CBFA2T3: variants seen among roughly 807,000 people sequenced by gnomAD.
The protein encoded by CBFA2T3 is transcriptional corepressor CBFA2T3.
CBFA2T3 carries 31 observed loss-of-function variants against 58.6 expected under a neutral mutation model. The observed-to-expected ratio is 0.53, with a 90% CI of 0.40 to 0.71. The LOEUF (loss-of-function observed/expected upper bound fraction) is 0.71. Among genes scored for constraint, CBFA2T3 ranks in the 30% least tolerant of loss-of-function variants. The probability of loss-of-function intolerance (pLI) is 0.00; values close to 1 mark genes in which losing one functional copy is unlikely to be tolerated. For synonymous variants in CBFA2T3, 531 were observed against 421.9 expected (o/e 1.26, Z -3.17); for missense variants, 1,076 against 963.1 (o/e 1.12, Z -1.55).
rs74321292 is a variant in CBFA2T3 at position 88,875,869 on chromosome 16, C to T, written c.*1107G>A. The T allele has an allele frequency of 4.7e-5, 11 of 233,338 alleles. No homozygotes were observed. Among genetic ancestry groups the T allele is most frequent in the African/African-American group, 8.8e-5 (4 of 45,422 alleles). 14.5% of individuals were successfully genotyped at this position (233,338 alleles called of 1,614,324 possible). ...AAGTCACAGGGGGCGTGAGGACAGA[C>T]GGCGTGTCCTTTCCTACACATATGG... On this transcript the variant is annotated 3_prime_UTR_variant, in exon 12 of 12. Transcript: ENST00000268679.
At chr16:88,899,966 T>A (rs1265087513) in intron 2 of CBFA2T3, among the ~76,000 whole-genome samples, 1 of 152,124 alleles carries the variant, frequency 6.6e-6, no homozygotes, top group Non-Finnish European at 1.5e-5. Flanking sequence ...GGAGGGCTCT[T>A]CCGAAGAGAG....
At chr16:88,898,669 C>G (rs547416174) in intron 2 of CBFA2T3, among the ~76,000 whole-genome samples, 2 of 152,226 alleles carry the variant, frequency 1.3e-5, no homozygotes, top group Admixed American at 6.5e-5. Context: ...ACCTGAGACT[C>G]GGCTTGGAGT....
chr16:88,922,117 G>A (rs1178475659), intron 1 of CBFA2T3, among the ~76,000 whole-genome samples: 1 of 152,202 alleles, frequency 6.6e-6, no homozygotes, highest in African/African-American at 2.4e-5. Context: ...TGGGTTCAAT[G>A]GCTGAGGCTG....
intron 1 of CBFA2T3, among the ~76,000 whole-genome samples, chr16:88,902,053 C>T (rs1402458308): frequency 6.6e-6 from 1 of 152,226 alleles, no homozygotes; most frequent in Non-Finnish European, 1.5e-5. Flanking sequence ...GCCTCTTCCC[C>T]CAGTCCTGAT....
At chr16:88,902,924 C>T (rs1970157175) in intron 1 of CBFA2T3, among the ~76,000 whole-genome samples, 1 of 152,118 alleles carries the variant, frequency 6.6e-6, no homozygotes, top group Admixed American at 6.5e-5. Flanking sequence ...CTGCCCCGCA[C>T]CCTCCTCCTG....
At position 88,882,607 on chromosome 16, in the gene CBFA2T3, T is replaced by A. The variant is rs1426018006; in HGVS notation, c.1203+69A>T. On this transcript the variant is annotated intron_variant, in intron 8 of 11. Coordinates refer to ENST00000268679, the MANE Select transcript of CBFA2T3 (RefSeq NM_005187.6). ...CTGTGTGTGCATGGCTGTGTGTGCG[T>A]GGCTGTGTGTGTGCGTGGCTGTGCG... 12 of 931,492 alleles carry A rather than the reference T, an allele frequency of 1.3e-5. No homozygotes were observed. The Admixed American group carries it at 1.7e-4, about 13-fold the overall frequency. 57.7% of individuals were successfully genotyped at this position (931,492 alleles called of 1,614,324 possible).
intron 1 of CBFA2T3, among the ~76,000 whole-genome samples, chr16:88,974,412 C>A (rs770953989): frequency 6.6e-6 from 1 of 152,110 alleles, no homozygotes. Context: ...CCCCAGACGG[C>A]GGCGTGTGCT....
chr16:88,975,040 C>G (rs563631859), intron 1 of CBFA2T3, among the ~76,000 whole-genome samples: 2 of 140,238 alleles, frequency 1.4e-5, no homozygotes, highest in Non-Finnish European at 3.2e-5. Flanking sequence ...ACCCTGCTCC[C>G]TCCTCACATT....
chr16:88,882,603 T>C lies in CBFA2T3; in HGVS notation c.1203+73A>G, dbSNP rs111494487. ...GTGGCTGTGTGTGCATGGCTGTGTG[T>C]GCGTGGCTGTGTGTGTGCGTGGCTG... On this transcript the variant is annotated intron_variant, in intron 8 of 11. Coordinates refer to ENST00000268679, the MANE Select transcript of CBFA2T3 (RefSeq NM_005187.6). The C allele has an allele frequency of 7.5e-4, 667 of 883,670 alleles. 3 individuals carry two copies. The highest frequency in any genetic ancestry group is 4.6e-3 in the Admixed American group (218 of 47,870). The allele number at this position is 883,670 out of a possible 1,614,324, so 54.7% of individuals were successfully genotyped here.
At position 88,876,684 on chromosome 16, in the gene CBFA2T3, G is replaced by A. The variant is rs148706921; in HGVS notation, c.*292C>T. 811 of 396,532 alleles carry A rather than the reference G, an allele frequency of 2.0e-3. 4 individuals are homozygous for A. Among genetic ancestry groups the A allele is most frequent in the Non-Finnish European group, 2.7e-3 (594 of 224,126 alleles). 24.6% of individuals were successfully genotyped at this position (396,532 alleles called of 1,614,324 possible). ...CCGCGCCTGCGGCATCTGCTCTGCTGTCTAAAGCTCAGTCGAGGCTTCTGA... is the reference window on the plus strand; with the variant it reads ...CCGCGCCTGCGGCATCTGCTCTGCTATCTAAAGCTCAGTCGAGGCTTCTGA... On this transcript the variant is annotated 3_prime_UTR_variant, in exon 12 of 12. Coordinates refer to ENST00000268679, the MANE Select transcript of CBFA2T3 (RefSeq NM_005187.6).
chr16:88,888,828 G>C (rs1008886107), intron 5 of CBFA2T3, among the ~76,000 whole-genome samples: 1 of 151,948 alleles, frequency 6.6e-6, no homozygotes, highest in African/African-American at 2.4e-5. Context: ...AGGTGGGCTG[G>C]CCCTGAGCTC....
At chr16:88,895,751 C>T (rs1969865009) in intron 3 of CBFA2T3, among the ~76,000 whole-genome samples, 1 of 152,170 alleles carries the variant, frequency 6.6e-6, no homozygotes, top group Non-Finnish European at 1.5e-5. Context: ...CTACAGAGGC[C>T]CTCAGACACA....
At chr16:88,969,479 C>T (rs974347352) in intron 1 of CBFA2T3, among the ~76,000 whole-genome samples, 1 of 152,224 alleles carries the variant, frequency 6.6e-6, no homozygotes. Flanking sequence ...GGTCTTTCCT[C>T]ACCAAATCCC....
intron 7 of CBFA2T3, 112 bp downstream of exon 7, chr16:88,884,934 A>C (rs1969296357): frequency 2.6e-6 from 2 of 760,970 alleles, no homozygotes; most frequent in Non-Finnish European, 4.1e-6. Context: ...TCCCGAGCTC[A>C]GGTGCACACA....
At chr16:88,913,274 GGTGGAGCTGGACTGACC>G (rs903559010) in intron 1 of CBFA2T3, among the ~76,000 whole-genome samples, 2 of 152,258 alleles carry the variant, frequency 1.3e-5, no homozygotes, top group African/African-American at 4.8e-5. Flanking sequence ...CCGGCCACTT[GGTGGAGCTGGACTGACC>G]GTGGCTGACC....
intron 1 of CBFA2T3, chr16:88,950,459 T>C (rs1460349063): frequency 2.4e-6 from 1 of 411,518 alleles, no homozygotes; most frequent in East Asian, 7.7e-5. Flanking sequence ...GTCTTCCGGA[T>C]CTGTTCACCC....
chr16:88,889,493 C>T (rs547938992), intron 5 of CBFA2T3, among the ~76,000 whole-genome samples: 1 of 151,916 alleles, frequency 6.6e-6, no homozygotes, highest in African/African-American at 2.4e-5. Context: ...GGGTCTGACC[C>T]TGTAAGTGCC....
intron 11 of CBFA2T3, among the ~76,000 whole-genome samples, 183 bp from the exon 12 acceptor site, chr16:88,877,458 C>T (rs904881506): frequency 9.2e-5 from 14 of 152,202 alleles, no homozygotes; most frequent in African/African-American, 3.1e-4. Flanking sequence ...TTTTGCGGGA[C>T]GGCATCCCAC....
chr16:88,952,329 T>C (rs1303557893), intron 1 of CBFA2T3, among the ~76,000 whole-genome samples: 1 of 148,232 alleles, frequency 6.7e-6, no homozygotes, highest in Non-Finnish European at 1.5e-5. Flanking sequence ...CCTTCTCCCG[T>C]GGGGCACTGA....
Sources: gnomAD v4.1 joint callset for allele counts (sites outside exome capture counted in the v4.1 genomes callset) on GRCh38, gnomAD v4.1.1 for gene constraint, MANE v1.5 for transcripts, NCBI Gene and HGNC (gene_info 2026-07-23, HGNC 2026-07-21) for gene names.